The following BCAR3 variants were observed in gnomAD, a reference collection of about 807,000 sequenced individuals.
BCAR3 encodes BCAR3 adaptor protein, NSP family member, also known as breast cancer anti-estrogen resistance protein 3.
Under a neutral mutation model 80.1 loss-of-function variants are expected in BCAR3, and 37 were observed. The ratio of observed to expected loss-of-function variants is 0.46; its 90% CI spans 0.36 to 0.61. The LOEUF (loss-of-function observed/expected upper bound fraction) is 0.61, where lower values mean the gene tolerates loss of function less well. Ranked by LOEUF, BCAR3 falls within the 20% of genes least tolerant of loss-of-function variation. The pLI is 0.00. For synonymous variants in BCAR3, 389 were observed against 418.9 expected, an observed-to-expected ratio of 0.93 and a Z score of 0.87; for missense variants, 978 against 1,068.2, an observed-to-expected ratio of 0.92 and a Z score of 1.18.
intron 2 of BCAR3, among the ~76,000 whole-genome samples, chr1:93,747,204 A>G (rs775405434): frequency 2.0e-5 from 3 of 152,142 alleles, no homozygotes; most frequent in Non-Finnish European, 1.5e-5. Context: ...CACACATGCA[A>G]CCTTGGCTCT....
At chr1:93,626,291 G>A (rs564376009) in intron 3 of BCAR3, among the ~76,000 whole-genome samples, 29 of 152,284 alleles carry the variant, frequency 1.9e-4, no homozygotes, top group African/African-American at 6.5e-4. Flanking sequence ...AAATGCAACT[G>A]TTGGGCAAGC....
intron 7 of BCAR3, among the ~76,000 whole-genome samples, chr1:93,577,259 C>T (rs986782874): frequency 8.3e-5 from 9 of 107,916 alleles, no homozygotes; most frequent in African/African-American, 2.1e-4. Flanking sequence ...CCTGAACACA[C>T]GGCAGGCATG....
At chr1:93,789,056 T>C (rs1215279468) in intron 2 of BCAR3, among the ~76,000 whole-genome samples, 7 of 152,132 alleles carry the variant, frequency 4.6e-5, no homozygotes, top group Admixed American at 4.6e-4. Context: ...AGTGGAGTGG[T>C]GCGATCCTAG....
chr1:93,605,240 C>T (rs900171211), intron 3 of BCAR3, among the ~76,000 whole-genome samples: 2 of 152,134 alleles, frequency 1.3e-5, no homozygotes, highest in Non-Finnish European at 2.9e-5. Context: ...AGAGGAAGGC[C>T]GAAGGTCAAT....
chr1:93,572,227 T>C (rs1673248488), intron 8 of BCAR3, among the ~76,000 whole-genome samples: 1 of 152,110 alleles, frequency 6.6e-6, no homozygotes, highest in Admixed American at 6.5e-5. Flanking sequence ...TGAGAATCTC[T>C]CCTCGGGGAA....
At chr1:93,708,138 T>C (rs1649888436) in intron 2 of BCAR3, among the ~76,000 whole-genome samples, 1 of 152,186 alleles carries the variant, frequency 6.6e-6, no homozygotes, top group South Asian at 2.1e-4. Context: ...GAGATAACCA[T>C]ATCCTTCTAC....
At chr1:93,587,716 G>T (rs1452473715) in intron 5 of BCAR3, among the ~76,000 whole-genome samples, 5 of 148,458 alleles carry the variant, frequency 3.4e-5, no homozygotes, top group Non-Finnish European at 1.5e-5. Context: ...AAAAAAACCA[G>T]TGAGTAGAAT....
At chr1:93,841,885 G>A (rs1415795603) in intron 2 of BCAR3, among the ~76,000 whole-genome samples, 1 of 152,110 alleles carries the variant, frequency 6.6e-6, no homozygotes, top group Non-Finnish European at 1.5e-5. Flanking sequence ...GCACTGAACT[G>A]CTCAGCCTCC....
intron 2 of BCAR3, among the ~76,000 whole-genome samples, chr1:93,713,514 A>G (rs1650095904): frequency 6.6e-6 from 1 of 152,196 alleles, no homozygotes; most frequent in Admixed American, 6.5e-5. Flanking sequence ...CCTGAGCAAC[A>G]TGCAGAGTGA....
chr1:93,647,705 CG>C (rs755705109), intron 2 of BCAR3, among the ~76,000 whole-genome samples: 1 of 152,122 alleles, frequency 6.6e-6, no homozygotes, highest in Admixed American at 6.5e-5. Context: ...AGCGCTCTCA[CG>C]TATAAGGTAG....
At chr1:93,809,390 G>A (rs562518285) in intron 2 of BCAR3, among the ~76,000 whole-genome samples, 1 of 151,946 alleles carries the variant, frequency 6.6e-6, no homozygotes, top group Admixed American at 6.5e-5. Flanking sequence ...GGGGATCAAG[G>A]CTGAGGGGTG....
chr1:93,601,577 C>T (rs376577803), intron 3 of BCAR3, among the ~76,000 whole-genome samples: 13 of 152,206 alleles, frequency 8.5e-5, no homozygotes, highest in Non-Finnish European at 1.9e-4. Flanking sequence ...GCCCAGCATG[C>T]GAGTGCAAGA....
At chr1:93,615,705 C>T (rs930073932) in intron 3 of BCAR3, among the ~76,000 whole-genome samples, 5 of 152,174 alleles carry the variant, frequency 3.3e-5, no homozygotes, top group African/African-American at 4.8e-5. Context: ...CCCTCATTTC[C>T]GTTAGATGGA....
chr1:93,705,996 A>G (rs1276142992), intron 3 of BCAR3: 1 of 152,186 alleles, frequency 6.6e-6, no homozygotes, highest in Non-Finnish European at 1.5e-5. Flanking sequence ...CCCAGAAGTC[A>G]CTTTGTAGGC....
chr1:93,584,273 C>T (rs1042396694), intron 5 of BCAR3, 152 bp from the exon 6 acceptor site: 3 of 662,260 alleles, frequency 4.5e-6, no homozygotes, highest in Middle Eastern at 3.8e-4. Flanking sequence ...AAGGAATGAC[C>T]GCTGGAGAAA....
At chr1:93,796,476 C>T (rs1038255343) in intron 2 of BCAR3, among the ~76,000 whole-genome samples, 13 of 148,862 alleles carry the variant, frequency 8.7e-5, no homozygotes, top group South Asian at 2.1e-4. Context: ...TGACCCCTTG[C>T]GCTTCCCAGG....
At chr1:93,812,487 T>C (rs1479923974) in intron 2 of BCAR3, among the ~76,000 whole-genome samples, 1 of 152,232 alleles carries the variant, frequency 6.6e-6, no homozygotes, top group Non-Finnish European at 1.5e-5. Flanking sequence ...GCCCTTCAAC[T>C]GCCTTTCTGC....
At chr1:93,681,914 C>G (rs1438755581), upstream of BCAR3, 2 of 152,386 alleles carry the variant, frequency 1.3e-5, no homozygotes, top group Non-Finnish European at 2.9e-5. Context: ...CCGATTCGCG[C>G]TGCCTTGCGG....
At chr1:93,844,764 A>G (rs1655084720) in intron 2 of BCAR3, among the ~76,000 whole-genome samples, 1 of 145,488 alleles carries the variant, frequency 6.9e-6, no homozygotes, top group Non-Finnish European at 1.5e-5. Context: ...GCTGGAGTGC[A>G]GTGGCGCGAT....
Sources: gnomAD v4.1 joint callset for allele counts (sites outside exome capture counted in the v4.1 genomes callset) on GRCh38, gnomAD v4.1.1 for gene constraint, MANE v1.5 for transcripts, NCBI Gene and HGNC (gene_info 2026-07-23, HGNC 2026-07-21) for gene names.